The following FBN2 variants were observed in gnomAD, a reference collection of about 807,000 sequenced individuals.
FBN2 encodes the protein fibrillin 2.
In FBN2, 105 loss-of-function variants were observed where a neutral mutation model predicts 355.6. That is an observed-to-expected ratio of 0.30 (90% confidence interval 0.25 to 0.35). FBN2 has a LOEUF of 0.35. FBN2 is among the 10% of genes least tolerant of loss of function. FBN2 has a pLI of 1.00. For synonymous variants in FBN2, 1,350 were observed against 1,301.2 expected, an observed-to-expected ratio of 1.04 and a Z score of -0.81; for missense variants, 3,280 against 3,758.7, an observed-to-expected ratio of 0.87 and a Z score of 3.33.
At chr5:128,265,736 A>T (rs1765099946) in intron 62 of FBN2, among the ~76,000 whole-genome samples, 1 of 152,216 alleles carries the variant, frequency 6.6e-6, no homozygotes, top group Non-Finnish European at 1.5e-5. Context: ...GAACGTTGTA[A>T]ATTCTTTGTG....
chr5:128,388,807 G>T (rs971512408), intron 11 of FBN2, among the ~76,000 whole-genome samples: 2 of 152,082 alleles, frequency 1.3e-5, no homozygotes, highest in Non-Finnish European at 2.9e-5. Flanking sequence ...TCTGATGATT[G>T]TATGTCTTGA....
chr5:128,435,507 T>G (rs1049193072), intron 7 of FBN2, among the ~76,000 whole-genome samples: 1 of 152,184 alleles, frequency 6.6e-6, no homozygotes, highest in Admixed American at 6.5e-5. Context: ...ATGCTTTATA[T>G]GTTATGCATA....
intron 6 of FBN2, among the ~76,000 whole-genome samples, chr5:128,456,019 A>AAAAAAAAAAAAAC: frequency 6.8e-6 from 1 of 147,440 alleles, no homozygotes; most frequent in African/African-American, 2.5e-5. Flanking sequence ...AAAAAAAAAA[A>AAAAAAAAAAAAAC]AAAAGCAACT....
rs114596496 is a variant in FBN2, at chr5:128,422,481, T to A, written c.953-13682A>T. The stretch of plus-strand genomic sequence containing the variant: ...CTAAAGAGTTGAAAGAGTGGTTTTA[T>A]GGTTAATGTGTTTTAGGATGGCTTT... On this transcript the variant is annotated intron_variant, in intron 7 of 64. Transcript: ENST00000262464. Among the ~76,000 whole-genome samples the A allele has an allele frequency of 3.2e-3, 485 of 152,258 alleles. 2 individuals carry two copies. The highest frequency in any genetic ancestry group is 0.01 in the Middle Eastern group (3 of 294).
chr5:128,318,793 A>G, intron 35 of FBN2, 86 bp downstream of exon 35: 1 of 1,414,852 alleles, frequency 7.1e-7, no homozygotes, highest in South Asian at 1.3e-5. Flanking sequence ...AGATTAGCTA[A>G]GCAGAAATCT....
At position 128,328,726 on chromosome 5, in the gene FBN2, T is replaced by G; in HGVS notation, c.4441A>C (p.Thr1481Pro). 1 of 1,614,108 alleles carries G rather than the reference T, an allele frequency of 6.2e-7. No individual in the cohort carries two copies. Among genetic ancestry groups the G allele is most frequent in the Non-Finnish European group, 8.5e-7 (1 of 1,180,022 alleles). The change falls in exon 34 of 65, where the codon ACT becomes CCT. Residue 1481 changes from threonine to proline, a missense_variant. Coordinates refer to ENST00000262464, the MANE Select transcript of FBN2 (RefSeq NM_001999.4). ...CAGGATCTGCTGTCTGAGGCTGGAG[T>G]GAAGCCCATCTCACACTCGCAGCGA... ...AYRCECEMGF[T>P]PASDSRSCQD...
In FBN2 at chr5:128,330,589, A is replaced by T; in HGVS notation, c.4329T>A (p.Asp1443Glu). The T allele has an allele frequency of 6.2e-7, 1 of 1,614,150 alleles. No individual in the cohort carries two copies. The change falls in exon 33 of 65, where the codon GAT becomes GAA. Residue 1443 changes from aspartate (D) to glutamate (E), a missense_variant. Coordinates refer to ENST00000262464, the MANE Select transcript of FBN2 (RefSeq NM_001999.4). Reference sequence around the variant, plus strand: ...GTCACCCACCTGAGCAGGTAAAGCCATCACCAGTGAAACCTTCGGAGCAGG... The same window carrying T: ...GTCACCCACCTGAGCAGGTAAAGCCTTCACCAGTGAAACCTTCGGAGCAGG... ...RCACSEGFTG[D>E]GFTCSDVDEC...
intron 25 of FBN2, among the ~76,000 whole-genome samples, chr5:128,340,710 A>G: frequency 6.6e-6 from 1 of 152,016 alleles, no homozygotes; most frequent in East Asian, 1.9e-4. Flanking sequence ...CTGTGCCTCA[A>G]TTTCCTTATT....
intron 63 of FBN2, among the ~76,000 whole-genome samples, chr5:128,262,271 C>A (rs1284292334): frequency 3.3e-5 from 5 of 152,080 alleles, no homozygotes; most frequent in African/African-American, 1.2e-4. Flanking sequence ...GTTGCCCTAG[C>A]TGGTCTCCAA....
chr5:128,300,806 G>A lies in FBN2; in HGVS notation c.6166+11C>T, dbSNP rs1411643062. 6.2e-7 allele frequency: 1 copy of A among 1,613,608 alleles called. No homozygotes were observed. Among genetic ancestry groups the A allele is most frequent in the Admixed American group, 1.7e-5 (1 of 60,022 alleles). ...ACTACTAGTGGGCCTCAGAATAAAT[G>A]TTACTCTTACCAATGCAGTTCTCGC... On this transcript the variant is annotated intron_variant, in intron 48 of 64. Transcript: ENST00000262464.
At chr5:128,535,160 A>G (rs924497283) in intron 2 of FBN2, among the ~76,000 whole-genome samples, 7 of 152,264 alleles carry the variant, frequency 4.6e-5, no homozygotes, top group African/African-American at 1.2e-4. Flanking sequence ...CAAAATATTT[A>G]TAAGTCACTT....
At chr5:128,474,493 C>T (rs1004898248) in intron 5 of FBN2, among the ~76,000 whole-genome samples, 1 of 152,070 alleles carries the variant, frequency 6.6e-6, no homozygotes, top group East Asian at 1.9e-4. Flanking sequence ...AGAAATAGAA[C>T]CAATAGAAAC....
In FBN2 at chr5:128,286,393, T is replaced by G. The variant is rs1444508801; in HGVS notation, c.7012+325A>C. ...TCTTCCCTAGCAGTAATTCCTTCTA[T>G]GAATTAGGGTTTACCTTTTTCAATG... On this transcript the variant is annotated intron_variant, in intron 55 of 64. Transcript: ENST00000262464. Among the ~76,000 whole-genome samples the G allele has an allele frequency of 2.0e-5, 3 of 152,352 alleles. No individual in the cohort carries two copies. In the South Asian group the frequency reaches 6.2e-4, roughly 32 times the overall value.
At chr5:128,446,374 T>C (rs1471797457) in intron 7 of FBN2, 107 bp downstream of exon 7, 2 of 1,156,678 alleles carry the variant, frequency 1.7e-6, no homozygotes, top group South Asian at 1.2e-5. Flanking sequence ...TCATAGTAGA[T>C]AAAGAGTTTT....
chr5:128,427,558 T>C (rs1280742737), intron 7 of FBN2, among the ~76,000 whole-genome samples: 1 of 152,198 alleles, frequency 6.6e-6, no homozygotes, highest in Non-Finnish European at 1.5e-5. Context: ...GAGCTAACAT[T>C]CTTTTCTGCT....
chr5:128,465,118 A>G (rs954500602), intron 5 of FBN2, among the ~76,000 whole-genome samples, 197 bp from the exon 6 acceptor site: 46 of 152,204 alleles, frequency 3.0e-4, no homozygotes, highest in African/African-American at 1.1e-3. Flanking sequence ...TGTATTCCAC[A>G]CTAGACACTG....
At chr5:128,396,221 T>G (rs1007995918) in intron 8 of FBN2, among the ~76,000 whole-genome samples, 1 of 152,288 alleles carries the variant, frequency 6.6e-6, no homozygotes, top group Non-Finnish European at 1.5e-5. Context: ...GAGATGGGGA[T>G]GGCGAGGGAA....
chr5:128,444,931 T>C (rs1202173340), intron 7 of FBN2, among the ~76,000 whole-genome samples: 1 of 152,006 alleles, frequency 6.6e-6, no homozygotes, highest in East Asian at 1.9e-4. Context: ...AAGTAAAAAG[T>C]GAAAGGGAGT....
At chr5:128,503,810 G>A (rs1010708571) in intron 5 of FBN2, among the ~76,000 whole-genome samples, 1 of 152,166 alleles carries the variant, frequency 6.6e-6, no homozygotes, top group African/African-American at 2.4e-5. Context: ...CAAGTAATGA[G>A]GAACCAAATG....
Sources: gnomAD v4.1 joint callset for allele counts (sites outside exome capture counted in the v4.1 genomes callset) on GRCh38, gnomAD v4.1.1 for gene constraint, MANE v1.5 for transcripts, NCBI Gene and HGNC (gene_info 2026-07-23, HGNC 2026-07-21) for gene names.